The following MKLN1 variants were observed in gnomAD, a reference collection of about 807,000 sequenced individuals.
MKLN1 encodes muskelin.
Under a neutral mutation model 99.0 loss-of-function variants are expected in MKLN1, and 18 were observed. The ratio of observed to expected loss-of-function variants is 0.18; its 90% CI spans 0.13 to 0.27. The LOEUF (loss-of-function observed/expected upper bound fraction) is 0.27, where lower values mean the gene tolerates loss of function less well. Among genes scored for constraint, MKLN1 ranks in the 10% least tolerant of loss-of-function variants. The probability of loss-of-function intolerance (pLI) is 1.00; values close to 1 mark genes in which losing one functional copy is unlikely to be tolerated. For synonymous variants in MKLN1, 288 were observed against 293.2 expected, an observed-to-expected ratio of 0.98 and a Z score of 0.18; for missense variants, 621 against 875.9, an observed-to-expected ratio of 0.71 and a Z score of 3.67.
intron 2 of MKLN1, among the ~76,000 whole-genome samples, chr7:131,383,428 A>G (rs1484681871): frequency 6.6e-6 from 1 of 151,854 alleles, no homozygotes; most frequent in Non-Finnish European, 1.5e-5. Context: ...CCCATTCCCC[A>G]CTCCAGTTAA....
intron 3 of MKLN1, among the ~76,000 whole-genome samples, chr7:131,304,676 GA>G (rs1798428687): frequency 6.6e-6 from 1 of 152,156 alleles, no homozygotes; most frequent in Admixed American, 6.5e-5. Flanking sequence ...TAAGCTGAAG[GA>G]AAACCCTTAT....
intron 10 of MKLN1, among the ~76,000 whole-genome samples, chr7:131,442,752 A>G (rs1224486785): frequency 2.0e-5 from 3 of 152,236 alleles, no homozygotes; most frequent in African/African-American, 7.2e-5. Context: ...TGTTATTTGA[A>G]ACAGAATTTG....
chr7:131,307,131 C>T (rs1798479177), intron 3 of MKLN1, among the ~76,000 whole-genome samples: 1 of 152,020 alleles, frequency 6.6e-6, no homozygotes, highest in Admixed American at 6.6e-5. Context: ...GGCTGTTGCT[C>T]CAGAGTGTGC....
At chr7:131,128,836 G>T (rs1253143398) in intron 1 of MKLN1, among the ~76,000 whole-genome samples, 1 of 150,102 alleles carries the variant, frequency 6.7e-6, no homozygotes, top group African/African-American at 2.4e-5. Flanking sequence ...CTGGACTCAG[G>T]TGATCCTTCC....
chr7:131,471,022 C>T lies in MKLN1; in HGVS notation c.2031+78C>T, dbSNP rs1796805683. The T allele has an allele frequency of 1.6e-5, 16 of 984,148 alleles. No homozygotes were observed. In the Middle Eastern group the frequency reaches 3.4e-3, roughly 212 times the overall value. The allele number at this position is 984,148 out of a possible 1,614,324, so 61.0% of individuals were successfully genotyped here. A position where few individuals can be genotyped will look rare whatever the true frequency, so the allele number is the denominator to read the frequency against. ...CTAACTTATATTTAATGATTTTGCTCTTGAGTGTGTAAAGGAAAACGAAGA... is the reference window on the plus strand; with the variant it reads ...CTAACTTATATTTAATGATTTTGCTTTTGAGTGTGTAAAGGAAAACGAAGA... On this transcript the variant is annotated intron_variant, in intron 16 of 17. Coordinates refer to ENST00000352689, the MANE Select transcript of MKLN1 (RefSeq NM_013255.5).
rs923128637 is a variant in MKLN1, at chr7:131,429,209, C to T, written c.960+64C>T. On this transcript the variant is annotated intron_variant, in intron 9 of 17. Transcript: ENST00000352689. ...GGGGCGTAGATGTGCACTTGTTTTT[C>T]GGCATGATTATATTCTTCACTAATG... The T allele has an allele frequency of 6.9e-5, 76 of 1,094,064 alleles. No individual in the cohort carries two copies. In the Middle Eastern group the frequency reaches 1.8e-3, roughly 26 times the overall value. 67.8% of individuals were successfully genotyped at this position (1,094,064 alleles called of 1,614,324 possible). A position where few individuals can be genotyped will look rare whatever the true frequency, so the allele number is the denominator to read the frequency against.
intron 3 of MKLN1, among the ~76,000 whole-genome samples, chr7:131,218,002 G>A (rs1360314942): frequency 6.6e-6 from 1 of 152,186 alleles, no homozygotes; most frequent in Non-Finnish European, 1.5e-5. Context: ...GAATGTGAGG[G>A]CTAGGGTTTT....
Position 131,332,230 on chromosome 7 carries a change from G to GT in MKLN1, c.98+4236dup, listed in dbSNP as rs554040748. ...GCAGGACCATCACTTGAGACCAGGAGTTTGAGACCAGCCTGGGAAACATAC... is the reference window on the plus strand; with the variant it reads ...GCAGGACCATCACTTGAGACCAGGAGTTTTGAGACCAGCCTGGGAAACATAC... On this transcript the variant is annotated intron_variant, in intron 1 of 17. Coordinates refer to ENST00000352689, the MANE Select transcript of MKLN1 (RefSeq NM_013255.5). 6.3e-3 allele frequency among the ~76,000 whole-genome samples: 954 copies of GT among 151,318 alleles called. 8 individuals are homozygous for GT. The highest frequency in any genetic ancestry group is 0.022 in the African/African-American group (897 of 41,296).
intron 17 of MKLN1, among the ~76,000 whole-genome samples, chr7:131,483,585 A>G (rs1346924751): frequency 6.6e-6 from 1 of 152,204 alleles, no homozygotes; most frequent in Non-Finnish European, 1.5e-5. Flanking sequence ...TACCTGAACC[A>G]AGCTTATCTA....
At chr7:131,485,229 T>C (rs1797240160) in intron 17 of MKLN1, among the ~76,000 whole-genome samples, 1 of 152,016 alleles carries the variant, frequency 6.6e-6, no homozygotes. Flanking sequence ...TAGGACAATA[T>C]GAGTATCAGA....
intron 17 of MKLN1, 54 bp downstream of exon 17, chr7:131,478,731 G>A (rs1797035897): frequency 1.9e-6 from 3 of 1,598,618 alleles, no homozygotes; most frequent in East Asian, 4.5e-5. Context: ...TTGGAAGGTT[G>A]GATTTTGGTT....
chr7:131,443,186 C>G (rs1795892934), intron 10 of MKLN1, among the ~76,000 whole-genome samples: 1 of 152,162 alleles, frequency 6.6e-6, no homozygotes, highest in African/African-American at 2.4e-5. Context: ...TAAGTATTCA[C>G]TCTTACATAT....
At chr7:131,121,638 C>CAAAAAAAAAAAAAAAAAAAAAAA (rs55908773) in intron 1 of MKLN1, among the ~76,000 whole-genome samples, 5 of 72,804 alleles carry the variant, frequency 6.9e-5, no homozygotes, top group South Asian at 4.7e-4. Flanking sequence ...GACTCCGTCT[C>CAAAAAAAAAAAAAAAAAAAAAAA]AAAAAAAAAA....
intron 2 of MKLN1, among the ~76,000 whole-genome samples, chr7:131,190,151 G>A (rs543683976): frequency 1.3e-5 from 2 of 152,150 alleles, no homozygotes; most frequent in Non-Finnish European, 2.9e-5. Context: ...CGAAAAACCT[G>A]CCAGCCAGCT....
At chr7:131,470,521 A>G (rs1057045706) in intron 15 of MKLN1, among the ~76,000 whole-genome samples, 3 of 152,200 alleles carry the variant, frequency 2.0e-5, no homozygotes, top group Admixed American at 6.5e-5. Flanking sequence ...GTTTTATAAA[A>G]TACGTAGTAT....
Position 131,411,744 on chromosome 7 carries a change from T to C in MKLN1, c.781+361T>C, listed in dbSNP as rs1349525370. Among the ~76,000 whole-genome samples, 3 of 151,574 alleles carry C rather than the reference T, an allele frequency of 2.0e-5. No homozygotes were observed. In the East Asian group the frequency reaches 5.8e-4, roughly 29 times the overall value. On this transcript the variant is annotated intron_variant, in intron 7 of 17. Transcript: ENST00000352689. ...CAACATGGCAAAACCCTGTCTCTACTAAAAATACAAAAATTAGCTGGGCGT... is the reference window on the plus strand; with the variant it reads ...CAACATGGCAAAACCCTGTCTCTACCAAAAATACAAAAATTAGCTGGGCGT...
At chr7:131,337,412 T>A (rs374476815) in intron 1 of MKLN1, among the ~76,000 whole-genome samples, 5 of 152,176 alleles carry the variant, frequency 3.3e-5, no homozygotes, top group South Asian at 2.1e-4. Flanking sequence ...TTTCCTCCTC[T>A]TATCCGTTCT....
intron 12 of MKLN1, among the ~76,000 whole-genome samples, chr7:131,447,703 C>A (rs900779129): frequency 4.6e-5 from 7 of 152,162 alleles, no homozygotes; most frequent in Non-Finnish European, 7.3e-5. Flanking sequence ...AAGGCAATCA[C>A]AGTCTCTCAA....
chr7:131,480,608 T>A (rs1797095499), intron 17 of MKLN1, among the ~76,000 whole-genome samples: 1 of 152,166 alleles, frequency 6.6e-6, no homozygotes. Flanking sequence ...TCCTAAGAAT[T>A]TAGATAATGA....
Sources: gnomAD v4.1 joint callset for allele counts (sites outside exome capture counted in the v4.1 genomes callset) on GRCh38, gnomAD v4.1.1 for gene constraint, MANE v1.5 for transcripts, NCBI Gene and HGNC (gene_info 2026-07-23, HGNC 2026-07-21) for gene names.